SYK: variants seen among roughly 807,000 people sequenced by gnomAD.
The protein encoded by SYK is tyrosine-protein kinase SYK.
SYK carries 16 observed loss-of-function variants against 77.8 expected under a neutral mutation model. The observed-to-expected ratio is 0.21, with a 90% CI of 0.14 to 0.31. The LOEUF is 0.31. SYK is among the 10% of genes least tolerant of loss of function. SYK has a pLI of 1.00. For missense variants in SYK, 529 were observed against 814.4 expected, an observed-to-expected ratio of 0.65 and a Z score of 4.26; for synonymous variants, 312 against 308.7, an observed-to-expected ratio of 1.01 and a Z score of -0.11.
rs1189122153 is a variant in SYK, at chr9:90,811,774, A to AAAC, written c.-42+9882_-42+9883insACA. On this transcript the variant is annotated intron_variant, in intron 1 of 13. Transcript: ENST00000375754. Reference sequence around the variant, plus strand: ...CTCTATGACAAATACCAAAAAAAAAAACTAGCCTGGACTGGTGGTGTGCAC... The same window carrying AAAC: ...CTCTATGACAAATACCAAAAAAAAAAAACACTAGCCTGGACTGGTGGTGTGCAC... 1.5e-4 allele frequency among the ~76,000 whole-genome samples: 22 copies of AAAC among 150,928 alleles called. No individual in the cohort carries two copies. The South Asian group carries it at 4.6e-3, about 32-fold the overall frequency.
chr9:90,890,091 C>T (rs1219643795), intron 13 of SYK, among the ~76,000 whole-genome samples: 3 of 152,120 alleles, frequency 2.0e-5, no homozygotes, highest in Non-Finnish European at 4.4e-5. Flanking sequence ...TTGCATTTAA[C>T]GTTGATGCTG....
At chr9:90,889,420 A>G (rs1489408301) in intron 13 of SYK, among the ~76,000 whole-genome samples, 5 of 152,240 alleles carry the variant, frequency 3.3e-5, no homozygotes, top group Non-Finnish European at 7.3e-5. Context: ...AATCCTGGCC[A>G]TGGATTTGAT....
chr9:90,824,762 A>C (rs1825617658), intron 1 of SYK, among the ~76,000 whole-genome samples: 1 of 152,102 alleles, frequency 6.6e-6, no homozygotes, highest in Non-Finnish European at 1.5e-5. Flanking sequence ...ACCTACAGGT[A>C]ACATCATACT....
chr9:90,822,992 A>G (rs1322305198), intron 1 of SYK, among the ~76,000 whole-genome samples: 1 of 152,304 alleles, frequency 6.6e-6, no homozygotes, highest in East Asian at 1.9e-4. Context: ...ATAACTGTAA[A>G]ATACCCCTAG....
In SYK at chr9:90,877,798, C is replaced by A. The variant is rs1419696872; in HGVS notation, c.1391+18C>A. 1 of 1,613,412 alleles carries A rather than the reference C, an allele frequency of 6.2e-7. No individual in the cohort carries two copies. Among genetic ancestry groups the A allele is most frequent in the Non-Finnish European group, 8.5e-7 (1 of 1,179,742 alleles). ...CAGAACAGGTATTGTCAGGTGCCCC[C>A]ACACATCTGGAAGCTATCCCCTAAG... On this transcript the variant is annotated intron_variant, in intron 10 of 13. Transcript: ENST00000375754.
chr9:90,852,067 T>C (rs1183719654), intron 3 of SYK, among the ~76,000 whole-genome samples: 1 of 152,230 alleles, frequency 6.6e-6, no homozygotes, highest in Non-Finnish European at 1.5e-5. Context: ...TCACTGTGTT[T>C]GACTACATCT....
At chr9:90,887,220 C>T (rs1255269435) in intron 11 of SYK, among the ~76,000 whole-genome samples, 1 of 152,140 alleles carries the variant, frequency 6.6e-6, no homozygotes, top group Non-Finnish European at 1.5e-5. Context: ...GTCCTCTAGG[C>T]TCATGCATAT....
rs537487402 is a variant in SYK at position 90,864,441 on chromosome 9, C to A, written c.718-148C>A. 9.0e-6 allele frequency: 6 copies of A among 669,268 alleles called. No individual in the cohort carries two copies. In the East Asian group the frequency reaches 1.1e-4, roughly 13 times the overall value. The allele number at this position is 669,268 out of a possible 1,614,324, so 41.5% of individuals were successfully genotyped here. On this transcript the variant is annotated intron_variant, in intron 4 of 13. Coordinates refer to ENST00000375754, the MANE Select transcript of SYK (RefSeq NM_003177.7). ...AGCTGTGGGCCCACTTCCCCAGCCA[C>A]CCTTGTGGAGTGGACTTAAGCACAT... is the stretch of plus-strand genomic sequence containing the variant.
At position 90,898,423 on chromosome 9, in the gene SYK, C is replaced by T. The variant is rs1829079470; in HGVS notation, c.*2823C>T. 2 of 225,812 alleles carry T rather than the reference C, an allele frequency of 8.9e-6. No homozygotes were observed. Among genetic ancestry groups the T allele is most frequent in the South Asian group, 3.7e-4 (2 of 5,454 alleles). The allele number at this position is 225,812 out of a possible 1,614,324, so 14.0% of individuals were successfully genotyped here. ...GGCTACAGCTGCATTGTCAGGTCTC[C>T]CAGCCCTGCAGAGAGCTCCCTCCAC... is the stretch of plus-strand genomic sequence containing the variant. On this transcript the variant is annotated 3_prime_UTR_variant, in exon 14 of 14. Transcript: ENST00000375754.
At chr9:90,805,979 C>T (rs530461475) in intron 1 of SYK, among the ~76,000 whole-genome samples, 1 of 152,360 alleles carries the variant, frequency 6.6e-6, no homozygotes, top group South Asian at 2.1e-4. Flanking sequence ...TACTCCTTCT[C>T]ACACCATCCC....
At chr9:90,815,529 T>C (rs1282695156) in intron 1 of SYK, among the ~76,000 whole-genome samples, 1 of 152,202 alleles carries the variant, frequency 6.6e-6, no homozygotes, top group Non-Finnish European at 1.5e-5. Flanking sequence ...CCTTTCATGA[T>C]TCAGCCTGAC....
intron 11 of SYK, among the ~76,000 whole-genome samples, chr9:90,879,994 G>C (rs1828086993): frequency 6.6e-6 from 1 of 152,216 alleles, no homozygotes. Flanking sequence ...ACTGGAAAAC[G>C]TGATGGCACC....
intron 1 of SYK, among the ~76,000 whole-genome samples, chr9:90,834,471 C>T (rs1305721023): frequency 2.6e-5 from 4 of 152,208 alleles, no homozygotes; most frequent in Admixed American, 2.6e-4. Context: ...GGGTCGCCAG[C>T]GTTCCCGATT....
Position 90,896,811 on chromosome 9 carries a change from G to A in SYK, c.*1211G>A. 1 of 216,286 alleles carries A rather than the reference G, an allele frequency of 4.6e-6. No homozygotes were observed. Among genetic ancestry groups the A allele is most frequent in the Admixed American group, 5.8e-5 (1 of 17,248 alleles). The allele number at this position is 216,286 out of a possible 1,614,324, so 13.4% of individuals were successfully genotyped here. The stretch of plus-strand genomic sequence containing the variant: ...GGAGGCCGAGGCGGGTGGATCACTT[G>A]AGGTAAGGAGTTTGAGACTAGCCTG... On this transcript the variant is annotated 3_prime_UTR_variant, in exon 14 of 14. Coordinates refer to ENST00000375754, the MANE Select transcript of SYK (RefSeq NM_003177.7).
At chr9:90,851,972 A>C (rs1239455180) in intron 3 of SYK, among the ~76,000 whole-genome samples, 1 of 152,244 alleles carries the variant, frequency 6.6e-6, no homozygotes, top group East Asian at 1.9e-4. Flanking sequence ...ACAAGCATAC[A>C]AACTTTAGAA....
At chr9:90,863,391 A>G (rs1827349948) in intron 4 of SYK, among the ~76,000 whole-genome samples, 1 of 152,198 alleles carries the variant, frequency 6.6e-6, no homozygotes, top group African/African-American at 2.4e-5. Context: ...TGTTGAGGAA[A>G]GGACTCAACT....
intron 1 of SYK, among the ~76,000 whole-genome samples, chr9:90,805,695 A>C (rs1824802234): frequency 1.3e-5 from 2 of 152,196 alleles, no homozygotes. Context: ...CTGGTAGTTT[A>C]TTAATATTAC....
chr9:90,884,642 T>A (rs1396835856), intron 11 of SYK, among the ~76,000 whole-genome samples: 2 of 70,376 alleles, frequency 2.8e-5, no homozygotes, highest in Non-Finnish European at 5.4e-5. Context: ...CATGTACATA[T>A]ATACACATAT....
chr9:90,887,687 A>C, intron 11 of SYK, 62 bp from the exon 12 acceptor site: 1 of 1,529,770 alleles, frequency 6.5e-7, no homozygotes, highest in South Asian at 1.3e-5. Flanking sequence ...ACAGGCATGA[A>C]CCAATGTGCC....
Sources: allele counts gnomAD v4.1 joint callset (sites outside exome capture counted in the v4.1 genomes callset), GRCh38; gene constraint gnomAD v4.1.1; transcripts MANE v1.5; gene names NCBI Gene and HGNC (gene_info 2026-07-23, HGNC 2026-07-21).